The following SMC1A variants were observed in gnomAD, a reference collection of about 807,000 sequenced individuals.
SMC1A encodes the protein structural maintenance of chromosomes 1A, also known as structural maintenance of chromosomes protein 1A.
Under a neutral mutation model 94.5 loss-of-function variants are expected in SMC1A, and 4 were observed. That is an observed-to-expected ratio of 0.04 (90% CI 0.02 to 0.10). SMC1A has a LOEUF of 0.10. Among genes scored for constraint, SMC1A ranks in the 10% least tolerant of loss-of-function variants. The probability of loss-of-function intolerance (pLI) is 1.00; values close to 1 mark genes in which losing one functional copy is unlikely to be tolerated. For synonymous variants in SMC1A, 345 were observed against 347.7 expected, an observed-to-expected ratio of 0.99 and a Z score of 0.09; for missense variants, 304 against 989.0, an observed-to-expected ratio of 0.31 and a Z score of 9.29.
Position 53,414,164 on chromosome X carries a change from A to G in SMC1A, c.411+594T>C, listed in dbSNP as rs781941046. Among the ~76,000 whole-genome samples, 4 of 111,827 alleles carry G rather than the reference A, an allele frequency of 3.6e-5. No homozygotes were observed. The East Asian group carries it at 1.1e-3, about 31-fold the overall frequency. Reference sequence around the variant, plus strand: ...TCTATGAAGAGGAAAAGTAATATGCAAAGACCTGTAGGCCAAAGAAAGCAG... The same window carrying G: ...TCTATGAAGAGGAAAAGTAATATGCGAAGACCTGTAGGCCAAAGAAAGCAG... On this transcript the variant is annotated intron_variant, in intron 3 of 24. Coordinates refer to ENST00000322213, the MANE Select transcript of SMC1A (RefSeq NM_006306.4).
chrX:53,390,203 G>C (rs1259660381), intron 19 of SMC1A, among the ~76,000 whole-genome samples: 1 of 106,461 alleles, frequency 9.4e-6, no homozygotes, highest in African/African-American at 3.4e-5. Context: ...CAGGGGGCGG[G>C]GGGGCCGGGC....
intron 1 of SMC1A, chrX:53,421,825 T>C (rs2075757540): frequency 1.9e-6 from 2 of 1,075,518 alleles, no homozygotes; most frequent in East Asian, 3.3e-5. Flanking sequence ...TTCAACAAAT[T>C]TGGTAAATTA....
rs782161803 is a variant in SMC1A, at chrX:53,414,997, A to G, written c.282T>C (p.Phe94=). ...CTCACCCACCTACAATGACACGGGC[A>G]AAGGTACGGTCCTCAGCACCCTCCT... ...YSEEGAEDRT[F]ARVIVGGSSE... The change falls in exon 2 of 25, where the codon TTT becomes TTC. Residue 94 remains phenylalanine (F), a synonymous_variant. Transcript: ENST00000322213. 1.7e-6 allele frequency: 2 copies of G among 1,211,290 alleles called. No individual in the cohort carries two copies. Among genetic ancestry groups the G allele is most frequent in the South Asian group, 3.5e-5 (2 of 56,895 alleles).
At chrX:53,388,709 G>A (rs1052209282) in intron 19 of SMC1A, among the ~76,000 whole-genome samples, 9 of 109,467 alleles carry the variant, frequency 8.2e-5, no homozygotes, top group African/African-American at 3.0e-4. Context: ...CTAGAAAATC[G>A]AAAATTGGCC....
In SMC1A at chrX:53,382,381, T is replaced by C. The variant is rs1341621743; in HGVS notation, c.3288A>G (p.Ala1096=). ...CTTCAGGGTTCTCAGGGCCCAGGAA[T>C]GCCTAGGGGAAGGCAGATGGGTCAG... ...KALSRNSSAQ[A]FLGPENPEEP... is the part of the protein sequence containing the mutation. The change falls in exon 22 of 25, where the codon GCA becomes GCG. Residue 1096 remains alanine (A), a splice_region_variant and synonymous_variant. Coordinates refer to ENST00000322213, the MANE Select transcript of SMC1A (RefSeq NM_006306.4). 8.3e-7 allele frequency: 1 copy of C among 1,206,251 alleles called. No individual in the cohort carries two copies. The highest frequency in any genetic ancestry group is 1.7e-5 in the African/African-American group (1 of 57,615).
intron 22 of SMC1A, 121 bp downstream of exon 22, chrX:53,382,111 G>C (rs2075585552): frequency 4.6e-6 from 4 of 864,186 alleles, no homozygotes; most frequent in Non-Finnish European, 6.8e-6. Context: ...GTGAAACAGG[G>C]ATGCAATCCA....
chrX:53,401,971 T>C (rs1556888964), intron 15 of SMC1A, among the ~76,000 whole-genome samples: 3 of 109,968 alleles, frequency 2.7e-5, no homozygotes, highest in East Asian at 2.8e-4. Context: ...CACATTTCCA[T>C]TGGGTTTCTT....
chrX:53,394,740 A>AACCCCC, intron 19 of SMC1A, 38 bp downstream of exon 19: 1 of 351,499 alleles, frequency 2.8e-6, no homozygotes, highest in Non-Finnish European at 5.1e-6. Context: ...CTCCCACCCA[A>AACCCCC]CCCCCACCCC....
chrX:53,416,767 G>A (rs782142515), intron 1 of SMC1A, among the ~76,000 whole-genome samples: 1 of 110,744 alleles, frequency 9.0e-6, no homozygotes, highest in South Asian at 3.9e-4. Context: ...GCACAAAAAC[G>A]TGAATATATT....
In SMC1A at chrX:53,405,405, G is replaced by A. The variant is rs375109064; in HGVS notation, c.1912-14C>T. 7.3e-5 allele frequency: 88 copies of A among 1,209,869 alleles called. No individual in the cohort carries two copies. In the African/African-American group the frequency reaches 1.2e-3, roughly 16 times the overall value. ...CAGTGCCACTGTCTACACACAGCAG[G>A]GGGAAGAGAGAAGAGGGGGAGAAGC... is the stretch of plus-strand genomic sequence containing the variant. On this transcript the variant is annotated splice_polypyrimidine_tract_variant and intron_variant, in intron 11 of 24. Coordinates refer to ENST00000322213, the MANE Select transcript of SMC1A (RefSeq NM_006306.4).
chrX:53,395,011 G>A, intron 18 of SMC1A, 123 bp from the exon 19 acceptor site: 2 of 515,932 alleles, frequency 3.9e-6, no homozygotes, highest in East Asian at 3.6e-5. Context: ...ATGGCAGAAG[G>A]AACAGAGGCT....
At chrX:53,406,160 G>A (rs2075690365) in intron 9 of SMC1A, among the ~76,000 whole-genome samples, 1 of 111,347 alleles carries the variant, frequency 9.0e-6, no homozygotes. Flanking sequence ...GTTGCAATGG[G>A]AGGACAGCTT....
chrX:53,416,617 T>C (rs2146607835), intron 1 of SMC1A, among the ~76,000 whole-genome samples: 1 of 110,302 alleles, frequency 9.1e-6, no homozygotes, highest in South Asian at 3.9e-4. Context: ...GTCTCGATCT[T>C]CTGACCTTGT....
Position 53,379,998 on chromosome X carries a change from A to G in SMC1A, c.*105T>C. 1.7e-6 allele frequency: 1 copy of G among 590,353 alleles called. No individual in the cohort carries two copies. The highest frequency in any genetic ancestry group is 3.3e-5 in the East Asian group (1 of 30,142). 48.7% of individuals were successfully genotyped at this position (590,353 alleles called of 1,213,427 possible). A position where few individuals can be genotyped will look rare whatever the true frequency, so the allele number is the denominator to read the frequency against. On this transcript the variant is annotated 3_prime_UTR_variant, in exon 25 of 25. Coordinates refer to ENST00000322213, the MANE Select transcript of SMC1A (RefSeq NM_006306.4). ...AGCAGTGCCTAAATCCCATGACTAC[A>G]CCAAAAAGGGCCAGGAGGTAGGGGG...
chrX:53,422,215 G>C (rs1486555122), intron 1 of SMC1A, among the ~76,000 whole-genome samples: 1 of 112,286 alleles, frequency 8.9e-6, no homozygotes, highest in Non-Finnish European at 1.9e-5. Context: ...GACTCCTTTG[G>C]CGGGAGGGGG....
intron 9 of SMC1A, among the ~76,000 whole-genome samples, chrX:53,408,100 G>A (rs930469756): frequency 9.0e-6 from 1 of 111,701 alleles, no homozygotes; most frequent in African/African-American, 3.3e-5. Context: ...AGGCCGAGGC[G>A]GGCAGATCAC....
chrX:53,419,424 G>A (rs2075745507), intron 1 of SMC1A, among the ~76,000 whole-genome samples: 1 of 109,457 alleles, frequency 9.1e-6, no homozygotes, highest in Non-Finnish European at 1.9e-5. Context: ...CTACTGGGAA[G>A]GCTGAGATGG....
intron 1 of SMC1A, among the ~76,000 whole-genome samples, chrX:53,417,924 AAAACGT>A (rs782177744): frequency 1.2e-3 from 134 of 112,443 alleles, no homozygotes; most frequent in Non-Finnish European, 1.7e-3. Flanking sequence ...CAAATATATG[AAAACGT>A]AAACAGTGCA....
At chrX:53,422,010 G>A in intron 1 of SMC1A, 1 of 1,210,027 alleles carries the variant, frequency 8.3e-7, no homozygotes, top group Non-Finnish European at 1.1e-6. Context: ...GAGTTGGAGT[G>A]TACCAATGCG....
Sources: allele counts gnomAD v4.1 joint callset (sites outside exome capture counted in the v4.1 genomes callset), GRCh38; gene constraint gnomAD v4.1.1; transcripts MANE v1.5; gene names NCBI Gene and HGNC (gene_info 2026-07-23, HGNC 2026-07-21).